RBM27: variants seen among roughly 807,000 people sequenced by gnomAD.
The protein encoded by RBM27 is RNA-binding protein 27.
A neutral mutation model predicts 135.3 loss-of-function variants in RBM27; 22 were observed. The observed-to-expected ratio is 0.16, with a 90% CI of 0.12 to 0.23. The LOEUF is 0.23. Among genes scored for constraint, RBM27 ranks in the 10% least tolerant of loss-of-function variants. The pLI, the probability that RBM27 is intolerant of heterozygous loss-of-function variation, is 1.00. For missense variants in RBM27, 1,009 were observed against 1,281.0 expected (o/e 0.79, Z 3.24); for synonymous variants, 481 against 442.4 (o/e 1.09, Z -1.10).
intron 19 of RBM27, among the ~76,000 whole-genome samples, chr5:146,277,722 C>T (rs1209639584): frequency 6.7e-6 from 1 of 148,254 alleles, no homozygotes; most frequent in African/African-American, 2.5e-5. Context: ...TTAGTAGAGG[C>T]GGGGTTTCAC....
chr5:146,244,798 C>T lies in RBM27; in HGVS notation c.1280-6913C>T, dbSNP rs554629894. ...TTGAGCTCTTCCCTGAACCTTAGTC[C>T]CCCAAAGTGCTGGGATTACAGGCAT... On this transcript the variant is annotated intron_variant, in intron 8 of 20. Transcript: ENST00000265271. 2.9e-4 allele frequency among the ~76,000 whole-genome samples: 44 copies of T among 152,216 alleles called. 1 individual carries two copies. The highest frequency in any genetic ancestry group is 2.3e-3 in the East Asian group (12 of 5,182).
At chr5:146,272,370 G>A (rs1758904686) in intron 19 of RBM27, among the ~76,000 whole-genome samples, 1 of 152,148 alleles carries the variant, frequency 6.6e-6, no homozygotes, top group Admixed American at 6.5e-5. Flanking sequence ...AAGATAACCA[G>A]GTTCCCTATT....
chr5:146,220,821 G>T (rs1465113311), intron 2 of RBM27, among the ~76,000 whole-genome samples: 2 of 152,110 alleles, frequency 1.3e-5, no homozygotes, highest in Non-Finnish European at 2.9e-5. Context: ...TTAAAGATGA[G>T]TCTTGTGAAA....
At chr5:146,209,656 A>G (rs534807249) in intron 1 of RBM27, among the ~76,000 whole-genome samples, 2 of 152,256 alleles carry the variant, frequency 1.3e-5, no homozygotes, top group African/African-American at 4.8e-5. Context: ...TTATCTAGCA[A>G]TTTTTGGAGC....
intron 19 of RBM27, among the ~76,000 whole-genome samples, chr5:146,276,355 A>G (rs1759092638): frequency 6.6e-6 from 1 of 152,172 alleles, no homozygotes; most frequent in African/African-American, 2.4e-5. Flanking sequence ...TGAGAAAGTA[A>G]GAGGTTTATC....
chr5:146,219,284 T>C (rs1335896391), intron 2 of RBM27, among the ~76,000 whole-genome samples, 181 bp downstream of exon 2: 2 of 152,200 alleles, frequency 1.3e-5, no homozygotes, highest in Non-Finnish European at 2.9e-5. Flanking sequence ...TTTTTTCCCT[T>C]TCCTTCTTTG....
chr5:146,270,868 T>C (rs528551125), intron 17 of RBM27, 86 bp from the exon 18 acceptor site: 2 of 783,180 alleles, frequency 2.6e-6, no homozygotes, highest in African/African-American at 3.6e-5. Flanking sequence ...CCAAAATACA[T>C]GTGTGTCATT....
At chr5:146,239,231 G>A (rs954530283) in intron 8 of RBM27, among the ~76,000 whole-genome samples, 7 of 151,924 alleles carry the variant, frequency 4.6e-5, no homozygotes, top group African/African-American at 1.7e-4. Flanking sequence ...TTCTTCTGTG[G>A]CCTCTGCCCT....
chr5:146,231,346 C>G (rs1756922903), intron 6 of RBM27, among the ~76,000 whole-genome samples: 1 of 152,184 alleles, frequency 6.6e-6, no homozygotes, highest in Admixed American at 6.5e-5. Flanking sequence ...CTCAGGTGAT[C>G]TGCCTGCCTC....
At chr5:146,247,249 G>A (rs1232013524) in intron 8 of RBM27, among the ~76,000 whole-genome samples, 1 of 152,038 alleles carries the variant, frequency 6.6e-6, no homozygotes, top group Non-Finnish European at 1.5e-5. Context: ...CCCAAATATA[G>A]TAGCATTTCA....
chr5:146,247,553 T>G (rs1224679092), intron 8 of RBM27, among the ~76,000 whole-genome samples: 1 of 152,192 alleles, frequency 6.6e-6, no homozygotes, highest in East Asian at 1.9e-4. Context: ...TTGGCGTTTA[T>G]TTGTTGAAGA....
chr5:146,241,019 C>T (rs996424125), intron 8 of RBM27, among the ~76,000 whole-genome samples: 1 of 152,026 alleles, frequency 6.6e-6, no homozygotes, highest in Non-Finnish European at 1.5e-5. Context: ...TATTTCCCCC[C>T]GAATCAGCTC....
At chr5:146,277,445 G>A (rs927663172) in intron 19 of RBM27, among the ~76,000 whole-genome samples, 6 of 151,774 alleles carry the variant, frequency 4.0e-5, no homozygotes, top group African/African-American at 1.2e-4. Context: ...GAGTTAGGTA[G>A]GTTGTTTACC....
At position 146,242,799 on chromosome 5, in the gene RBM27, T is replaced by C. The variant is rs139739412; in HGVS notation, c.1279+5367T>C. On this transcript the variant is annotated intron_variant, in intron 8 of 20. Transcript: ENST00000265271. ...TTTTAGTAAAGACAGGGTTTCACCA[T>C]GTTGGCCAGGCTGGTCCCAAACTCC... Among the ~76,000 whole-genome samples the C allele has an allele frequency of 9.2e-4, 140 of 152,038 alleles. 1 individual carries two copies. In the East Asian group the frequency reaches 0.023, roughly 25 times the overall value.
intron 10 of RBM27, among the ~76,000 whole-genome samples, chr5:146,256,541 AG>A (rs1758112496): frequency 6.6e-6 from 1 of 151,004 alleles, no homozygotes; most frequent in Non-Finnish European, 1.5e-5. Context: ...AGTAGAGACG[AG>A]GTTTCACCAT....
chr5:146,249,767 T>C (rs1477322891), intron 8 of RBM27, among the ~76,000 whole-genome samples: 1 of 151,532 alleles, frequency 6.6e-6, no homozygotes, highest in African/African-American at 2.4e-5. Context: ...AATAATTAGC[T>C]GATTCTTTTT....
At chr5:146,256,357 A>G (rs188253566) in intron 10 of RBM27, among the ~76,000 whole-genome samples, 1 of 146,560 alleles carries the variant, frequency 6.8e-6, no homozygotes, top group East Asian at 2.0e-4. Context: ...ATTTATATAT[A>G]TATATTTTTT....
rs1260126268 is a variant in RBM27, at chr5:146,288,827, T to C, written c.*2797T>C. ...GAAGAAATGTTGTTACCAGCTAAGA[T>C]GATAAATTGGAAAACAGTCTTGTTA... On this transcript the variant is annotated 3_prime_UTR_variant, in exon 21 of 21. Transcript: ENST00000265271. 1 of 152,034 alleles carries C rather than the reference T, an allele frequency of 6.6e-6. No individual in the cohort carries two copies. The highest frequency in any genetic ancestry group is 2.4e-5 in the African/African-American group (1 of 41,436). The allele number at this position is 152,034 out of a possible 1,614,324, so 9.4% of individuals were successfully genotyped here. A position where few individuals can be genotyped will look rare whatever the true frequency, so the allele number is the denominator to read the frequency against.
Position 146,284,724 on chromosome 5 carries a change from AAGG to A in RBM27, c.3098_3099+1del. On this transcript the variant is annotated inframe_deletion, in exon 20 of 21. Coordinates refer to ENST00000265271, the MANE Select transcript of RBM27 (RefSeq NM_018989.2). ...CACTGAGACTGAAGAAGAAGAAGTC[AAGG>A]AGGAGGTAAATTTAGTGGTTGGAAA... The A allele has an allele frequency of 6.3e-7, 1 of 1,596,120 alleles. No individual in the cohort carries two copies. Among genetic ancestry groups the A allele is most frequent in the East Asian group, 2.2e-5 (1 of 44,742 alleles).
Sources: gnomAD v4.1 joint callset for allele counts (sites outside exome capture counted in the v4.1 genomes callset) on GRCh38, gnomAD v4.1.1 for gene constraint, MANE v1.5 for transcripts, NCBI Gene and HGNC (gene_info 2026-07-23, HGNC 2026-07-21) for gene names.